MPZ: variants seen among roughly 807,000 people sequenced by gnomAD.
MPZ encodes myelin protein zero.
Under a neutral mutation model 27.9 loss-of-function variants are expected in MPZ, and 13 were observed. The ratio of observed to expected loss-of-function variants is 0.47; its 90% confidence interval spans 0.30 to 0.74. The LOEUF (loss-of-function observed/expected upper bound fraction) is 0.74, where lower values mean the gene tolerates loss of function less well. MPZ is among the 30% of genes least tolerant of loss of function. MPZ has a pLI of 0.06. For synonymous variants in MPZ, 118 were observed against 128.9 expected (o/e 0.92, Z 0.57); for missense variants, 256 against 317.5 (o/e 0.81, Z 1.47).
At chr1:161,304,119 A>C (rs1670172790), downstream of MPZ, among the ~76,000 whole-genome samples, 1 of 152,220 alleles carries the variant, frequency 6.6e-6, no homozygotes, top group African/African-American at 2.4e-5. Flanking sequence ...TGAGGTATTA[A>C]TAGTATACCT....
intron 2 of MPZ, 92 bp from the exon 3 acceptor site, chr1:161,307,013 GCAAAAA>G: frequency 3.1e-5 from 2 of 64,078 alleles, no homozygotes; most frequent in Non-Finnish European, 5.1e-5. Context: ...AAAGAAAAAA[GCAAAAA>G]AAAAAAAAAA....
chr1:161,309,554 T>TA (rs1670351308), intron 1 of MPZ, among the ~76,000 whole-genome samples: 2 of 64,776 alleles, frequency 3.1e-5, no homozygotes, highest in South Asian at 4.4e-4. Flanking sequence ...ATATATATAT[T>TA]TTTTTTTTTT....
Position 161,306,348 on chromosome 1 carries a change from C to A in MPZ, c.565G>T (p.Ala189Ser). 1 of 1,614,220 alleles carries A rather than the reference C, an allele frequency of 6.2e-7. No individual in the cohort carries two copies. The highest frequency in any genetic ancestry group is 2.2e-5 in the East Asian group (1 of 44,866). ...CCTTACCTGAGCCTCCTCTGCAGGG[C>A]CGCCTGCCTGCGTAGCCAGCAGTAC... Reference protein sequence around the residue: ...VRYCWLRRQAALQRRLSAMEK... With the variant: ...VRYCWLRRQASLQRRLSAMEK... The change falls in exon 4 of 6, where the codon GCC becomes TCC. Residue 189 changes from alanine (A) to serine (S), a missense_variant. Physicochemically the swap from Ala to Ser is moderately conservative, Grantham distance 99. This residue lies in a region of MPZ where 101 missense variants were observed against 93.6 expected (regional missense o/e 1.08). Transcript: ENST00000533357.
rs559791117 is a variant in MPZ, at chr1:161,306,478, G to A, written c.449-14C>T. On this transcript the variant is annotated splice_polypyrimidine_tract_variant and intron_variant, in intron 3 of 5. Transcript: ENST00000533357. Reference sequence around the variant, plus strand: ...ACCTAGTTGGCACTAGGAGGGGTGGGAAAAGAAGTGGGAGAATGAGCAGGG... The same window carrying A: ...ACCTAGTTGGCACTAGGAGGGGTGGAAAAAGAAGTGGGAGAATGAGCAGGG... 1.9e-6 allele frequency: 3 copies of A among 1,614,216 alleles called. No individual in the cohort carries two copies. The African/African-American group carries it at 4.0e-5, about 22-fold the overall frequency.
At chr1:161,308,830 C>T (rs926021940) in intron 1 of MPZ, among the ~76,000 whole-genome samples, 3 of 152,060 alleles carry the variant, frequency 2.0e-5, no homozygotes, top group Admixed American at 6.6e-5. Flanking sequence ...TCACTATGCC[C>T]TTCTCCAACT....
downstream of MPZ, chr1:161,304,610 T>C (rs1670182282): frequency 6.6e-6 from 1 of 152,630 alleles, no homozygotes; most frequent in African/African-American, 2.4e-5. Flanking sequence ...CTTTCTAGTA[T>C]ACTATATAAG....
intron 3 of MPZ, 66 bp from the exon 4 acceptor site, chr1:161,306,530 G>C (rs1415066207): frequency 6.2e-7 from 1 of 1,604,084 alleles, no homozygotes; most frequent in Non-Finnish European, 8.5e-7. Flanking sequence ...CCTAGTCCGA[G>C]TGTATGCCCT....
At chr1:161,309,521 T>A (rs1670343750) in intron 1 of MPZ, among the ~76,000 whole-genome samples, 1 of 143,520 alleles carries the variant, frequency 7.0e-6, no homozygotes, top group Admixed American at 7.0e-5. Flanking sequence ...TCTAAATGCA[T>A]ATTTTTTTCT....
intron 1 of MPZ, among the ~76,000 whole-genome samples, chr1:161,309,258 C>G (rs1329970877): frequency 6.6e-6 from 1 of 152,138 alleles, no homozygotes. Flanking sequence ...TTACTTAGAT[C>G]GCACTCTCTT....
downstream of MPZ, among the ~76,000 whole-genome samples, chr1:161,304,162 C>A (rs1329344616): frequency 1.3e-5 from 2 of 151,912 alleles, no homozygotes; most frequent in Non-Finnish European, 2.9e-5. Flanking sequence ...AATCATGTAC[C>A]AACAAAACAA....
At chr1:161,304,591 T>G (rs543659632), downstream of MPZ, 4 of 152,698 alleles carry the variant, frequency 2.6e-5, no homozygotes, top group South Asian at 8.3e-4. Flanking sequence ...GTGAGGCTAT[T>G]TCAGAGTTCT....
chr1:161,309,739 GTTCT>G (rs1282147559), intron 1 of MPZ, 96 bp downstream of exon 1: 2 of 970,388 alleles, frequency 2.1e-6, no homozygotes, highest in East Asian at 2.6e-5. Flanking sequence ...GCTCCTGCTT[GTTCT>G]TTCTTTGGTT....
At chr1:161,303,703 A>C (rs1670163982), downstream of MPZ, among the ~76,000 whole-genome samples, 2 of 152,240 alleles carry the variant, frequency 1.3e-5, no homozygotes, top group Admixed American at 1.3e-4. Flanking sequence ...CTATCTAATG[A>C]ATAATGGACA....
In MPZ at chr1:161,307,261, A is replaced by T. The variant is rs1185426826; in HGVS notation, c.231T>A (p.Ile77=). ...RYQPEGGRDA[I]SIFHYAKGQP... ...CAGGATTCCCCCAGGCACTCACCGA[A>T]ATGGCATCTCTGCCCCCTTCGGGCT... Residue 77 remains isoleucine, a synonymous_variant, in exon 2 of 6, where the codon ATT becomes ATA. Transcript: ENST00000533357. The T allele has an allele frequency of 1.2e-6, 2 of 1,614,240 alleles. No individual in the cohort carries two copies. The highest frequency in any genetic ancestry group is 1.7e-6 in the Non-Finnish European group (2 of 1,180,044).
rs1332331621 is a variant in MPZ at position 161,305,384 on chromosome 1, GGACTT to G, written c.*487_*491del. 1.2e-5 allele frequency: 2 copies of G among 160,370 alleles called. No individual in the cohort carries two copies. The highest frequency in any genetic ancestry group is 2.8e-5 in the Non-Finnish European group (2 of 72,316). 9.9% of individuals were successfully genotyped at this position (160,370 alleles called of 1,614,324 possible). On this transcript the variant is annotated 3_prime_UTR_variant, in exon 6 of 6. Coordinates refer to ENST00000533357, the MANE Select transcript of MPZ (RefSeq NM_000530.8). The stretch of plus-strand genomic sequence containing the variant: ...AGGAGATGGGAATGCCAGGTGGCCT[GGACTT>G]GAGGCAGAGGGTATCAAAGTCCCTT...
At position 161,307,444 on chromosome 1, in the gene MPZ, A is replaced by G; in HGVS notation, c.68-20T>C. 2 of 1,613,758 alleles carry G rather than the reference A, an allele frequency of 1.2e-6. No individual in the cohort carries two copies. Among genetic ancestry groups the G allele is most frequent in the Non-Finnish European group, 1.7e-6 (2 of 1,180,012 alleles). On this transcript the variant is annotated intron_variant, in intron 1 of 5. Coordinates refer to ENST00000533357, the MANE Select transcript of MPZ (RefSeq NM_000530.8). ...ACAGCACTGCAAGCACAAAGTGGGG[A>G]ATCAGATGCACCTATGGGCCCAGTA...
rs1480262449 is a variant in MPZ, at chr1:161,306,537, C to A, written c.449-73G>T. The A allele has an allele frequency of 1.1e-5, 18 of 1,597,176 alleles. No individual in the cohort carries two copies. The Admixed American group carries it at 3.0e-4, about 27-fold the overall frequency. On this transcript the variant is annotated intron_variant, in intron 3 of 5. Transcript: ENST00000533357. Reference sequence around the variant, plus strand: ...CTGTGGTTCCTAGTCCGAGTGTATGCCCTGCATTGAGGATGTAGGACTCCC... The same window carrying A: ...CTGTGGTTCCTAGTCCGAGTGTATGACCTGCATTGAGGATGTAGGACTCCC...
Position 161,305,958 on chromosome 1 carries a change from A to T in MPZ, c.665T>A (p.Met222Lys), listed in dbSNP as rs751156448. Residue 222 changes from methionine (M) to lysine (K), a missense_variant, in exon 6 of 6, where the codon ATG becomes AAG. By Grantham distance (95) the Met-to-Lys change is moderately conservative. Around this residue, in one of 2 missense-constraint regions of MPZ, gnomAD observed 101 missense variants for 93.6 expected, o/e 1.08. Coordinates refer to ENST00000533357, the MANE Select transcript of MPZ (RefSeq NM_000530.8). Reference sequence around the variant, plus strand: ...TTTGGTGCTTCTGCTGTGGTCCAGCATTGCATACAGCACTGGCGTCTGGGG... The same window carrying T: ...TTTGGTGCTTCTGCTGTGGTCCAGCTTTGCATACAGCACTGGCGTCTGGGG... Reference protein sequence around the residue: ...RGRQTPVLYAMLDHSRSTKAV... With the variant: ...RGRQTPVLYAKLDHSRSTKAV... 2 of 1,613,802 alleles carry T rather than the reference A, an allele frequency of 1.2e-6. No homozygotes were observed. Among genetic ancestry groups the T allele is most frequent in the South Asian group, 1.1e-5 (1 of 91,070 alleles).
downstream of MPZ, among the ~76,000 whole-genome samples, chr1:161,304,228 A>G (rs1670175997): frequency 6.6e-6 from 1 of 152,200 alleles, no homozygotes; most frequent in African/African-American, 2.4e-5. Flanking sequence ...AAAGTGTACT[A>G]CCTTAGGCAA....
Sources: allele counts gnomAD v4.1 joint callset (sites outside exome capture counted in the v4.1 genomes callset), GRCh38; gene constraint gnomAD v4.1.1; regional missense constraint gnomAD v4.1.1; transcripts MANE v1.5; gene names NCBI Gene and HGNC (gene_info 2026-07-23, HGNC 2026-07-21).